Variants in HPSE2 observed in about 807,000 individuals in gnomAD.
HPSE2 encodes the protein heparanase 2 (inactive), also known as inactive heparanase-2.
In HPSE2, 38 loss-of-function variants were observed where a neutral mutation model predicts 60.5. The observed-to-expected ratio is 0.63, with a 90% CI of 0.48 to 0.82. The LOEUF (loss-of-function observed/expected upper bound fraction) is 0.82. HPSE2 is among the 40% of genes least tolerant of loss of function. The pLI is 0.00. For missense variants in HPSE2, 713 were observed against 740.4 expected (o/e 0.96, Z 0.43); for synonymous variants, 295 against 293.2 (o/e 1.01, Z -0.06).
intron 9 of HPSE2, among the ~76,000 whole-genome samples, chr10:98,510,100 C>G (rs1942339179): frequency 1.3e-5 from 2 of 152,112 alleles, no homozygotes; most frequent in Admixed American, 1.3e-4. Context: ...ATTATGTCTT[C>G]CTTAAATTTA....
intron 3 of HPSE2, among the ~76,000 whole-genome samples, chr10:98,779,512 C>T (rs1950418450): frequency 6.6e-6 from 1 of 152,114 alleles, no homozygotes; most frequent in Non-Finnish European, 1.5e-5. Context: ...AATAGTGATA[C>T]CAGAAAAAGC....
chr10:99,009,652 A>G (rs1409523190), intron 3 of HPSE2, among the ~76,000 whole-genome samples: 1 of 152,176 alleles, frequency 6.6e-6, no homozygotes, highest in Non-Finnish European at 1.5e-5. Context: ...TTAAACCACA[A>G]TTCATAGACT....
At chr10:98,585,672 C>G (rs977798417) in intron 9 of HPSE2, among the ~76,000 whole-genome samples, 1 of 151,564 alleles carries the variant, frequency 6.6e-6, no homozygotes, top group African/African-American at 2.4e-5. Context: ...CTTATTAAGG[C>G]CGGGCGCAGT....
chr10:98,586,683 C>T (rs1256269496), intron 9 of HPSE2, among the ~76,000 whole-genome samples: 3 of 152,218 alleles, frequency 2.0e-5, no homozygotes, highest in East Asian at 1.9e-4. Flanking sequence ...TGAGGACATA[C>T]TCCAACAAAC....
intron 3 of HPSE2, among the ~76,000 whole-genome samples, chr10:98,988,065 C>T (rs11511376): frequency 0.37 from 53,322 of 142,284 alleles, 5,108 homozygotes; most frequent in East Asian, 0.48. Flanking sequence ...AATGGCCATA[C>T]TGCCCAAGGT....
intron 3 of HPSE2, among the ~76,000 whole-genome samples, chr10:98,834,350 T>G (rs934467407): frequency 6.6e-6 from 1 of 152,162 alleles, no homozygotes; most frequent in Admixed American, 6.5e-5. Context: ...AACCAATTCA[T>G]TATCTTGAAA....
At chr10:98,528,023 T>C (rs1000491657) in intron 9 of HPSE2, among the ~76,000 whole-genome samples, 1 of 152,208 alleles carries the variant, frequency 6.6e-6, no homozygotes, top group Non-Finnish European at 1.5e-5. Context: ...GGTCAGGTGT[T>C]CTCTGAACCT....
At chr10:98,517,391 C>G (rs1942637391) in intron 9 of HPSE2, among the ~76,000 whole-genome samples, 1 of 152,148 alleles carries the variant, frequency 6.6e-6, no homozygotes, top group Non-Finnish European at 1.5e-5. Context: ...ATTTGGAGAA[C>G]CGCTGATCTA....
At chr10:99,214,330 C>G (rs915760189) in intron 2 of HPSE2, among the ~76,000 whole-genome samples, 1 of 152,124 alleles carries the variant, frequency 6.6e-6, no homozygotes, top group Non-Finnish European at 1.5e-5. Context: ...TACCACATGA[C>G]CCAGCATATA....
chr10:99,153,626 A>C (rs1376740022), intron 2 of HPSE2, among the ~76,000 whole-genome samples: 2 of 152,166 alleles, frequency 1.3e-5, no homozygotes, highest in Non-Finnish European at 2.9e-5. Context: ...AAAGACCAAA[A>C]GTAGATAAAA....
chr10:98,781,117 A>G (rs1346672102), intron 3 of HPSE2, among the ~76,000 whole-genome samples: 3 of 152,006 alleles, frequency 2.0e-5, no homozygotes, highest in Non-Finnish European at 4.4e-5. Context: ...CCTATATCAG[A>G]CTTATTCTGA....
the HPSE2 span, among the ~76,000 whole-genome samples, chr10:99,247,132 AT>A: frequency 6.6e-6 from 1 of 152,218 alleles, no homozygotes; most frequent in Non-Finnish European, 1.5e-5. Context: ...GCATACACAC[AT>A]ACCCTTCCAT....
the HPSE2 span, among the ~76,000 whole-genome samples, chr10:99,256,297 T>TA: frequency 6.7e-6 from 1 of 148,930 alleles, no homozygotes; most frequent in Admixed American, 6.7e-5. Flanking sequence ...ATGCCATTTA[T>TA]AAAAAGGCTT....
At chr10:98,497,064 T>C (rs556227214) in intron 9 of HPSE2, among the ~76,000 whole-genome samples, 2 of 152,258 alleles carry the variant, frequency 1.3e-5, no homozygotes, top group African/African-American at 4.8e-5. Context: ...AATGATTTGA[T>C]GTATACTATT....
At chr10:98,885,852 C>G (rs749735242) in intron 3 of HPSE2, among the ~76,000 whole-genome samples, 1 of 152,034 alleles carries the variant, frequency 6.6e-6, no homozygotes, top group African/African-American at 2.4e-5. Context: ...TAGGACCAAA[C>G]CTGTGTATCT....
intron 3 of HPSE2, among the ~76,000 whole-genome samples, chr10:99,062,662 C>A (rs1024114831): frequency 6.6e-6 from 1 of 152,064 alleles, no homozygotes; most frequent in African/African-American, 2.4e-5. Flanking sequence ...AGTAATCTGT[C>A]CATAGGCACA....
intron 3 of HPSE2, among the ~76,000 whole-genome samples, chr10:98,854,871 C>T (rs1353101143): frequency 6.6e-6 from 1 of 152,022 alleles, no homozygotes; most frequent in Admixed American, 6.6e-5. Context: ...ACCAATAAAG[C>T]TTAAAAAGGG....
At chr10:98,702,375 C>A (rs1028995309) in intron 5 of HPSE2, among the ~76,000 whole-genome samples, 5 of 152,134 alleles carry the variant, frequency 3.3e-5, no homozygotes, top group African/African-American at 1.2e-4. Context: ...GACTTTAACA[C>A]CCCACTGTCA....
At chr10:98,805,444 T>C (rs563683894) in intron 3 of HPSE2, among the ~76,000 whole-genome samples, 2 of 152,328 alleles carry the variant, frequency 1.3e-5, no homozygotes, top group Non-Finnish European at 2.9e-5. Flanking sequence ...ATAATGTGAT[T>C]AGTATGTGTT....
Sources: allele counts gnomAD v4.1 joint callset (sites outside exome capture counted in the v4.1 genomes callset), GRCh38; gene constraint gnomAD v4.1.1; transcripts MANE v1.5; gene names NCBI Gene and HGNC (gene_info 2026-07-23, HGNC 2026-07-21).